SEC14L1: variants seen among roughly 807,000 people sequenced by gnomAD.
SEC14L1 encodes the protein SEC14-like protein 1.
SEC14L1 carries 48 observed loss-of-function variants against 85.3 expected under a neutral mutation model. The ratio of observed to expected loss-of-function variants is 0.56; its 90% confidence interval spans 0.45 to 0.72. The LOEUF is 0.72. SEC14L1 is among the 30% of genes least tolerant of loss of function. The pLI is 0.00. For missense variants in SEC14L1, 682 were observed against 921.4 expected (o/e 0.74, Z 3.36); for synonymous variants, 391 against 355.5 (o/e 1.10, Z -1.12).
intron 3 of SEC14L1, among the ~76,000 whole-genome samples, chr17:77,103,328 G>T (rs541366789): frequency 6.6e-6 from 1 of 152,008 alleles, no homozygotes; most frequent in East Asian, 1.9e-4. Flanking sequence ...GGCCAAGCTG[G>T]TCTAGAACTC....
At chr17:77,169,121 C>T (rs1392656570) in intron 3 of SEC14L1, among the ~76,000 whole-genome samples, 1 of 146,780 alleles carries the variant, frequency 6.8e-6, no homozygotes, top group Non-Finnish European at 1.5e-5. Context: ...TCCAGTTTCT[C>T]AGCAGAGTGC....
At chr17:77,152,264 G>T (rs574700785) in intron 3 of SEC14L1, among the ~76,000 whole-genome samples, 1 of 151,952 alleles carries the variant, frequency 6.6e-6, no homozygotes, top group African/African-American at 2.4e-5. Flanking sequence ...GGCTGGGCAC[G>T]GTGGCTCATG....
chr17:77,124,428 G>A lies in SEC14L1; in HGVS notation c.-135-18218G>A, dbSNP rs150583598. Among the ~76,000 whole-genome samples the A allele has an allele frequency of 2.3e-3, 356 of 152,280 alleles. 1 individual carries two copies. Among genetic ancestry groups the A allele is most frequent in the South Asian group, 0.012 (59 of 4,822 alleles). ...CTTCAGGATATTGTTCTCTGGGAAC[G>A]TCAGGAACCAAACAGGTCCCACAAG... On this transcript the variant is annotated intron_variant, in intron 3 of 19. Transcript: ENST00000392476.
Position 77,191,299 on chromosome 17 carries a change from A to G in SEC14L1, c.332A>G (p.His111Arg), listed in dbSNP as rs1237146918. ...TCCAATCGGGTCATCATTAATGAGC[A>G]TTGCTGCTACACCGTGAGTAATCTG... Reference protein sequence around the residue: ...TFSNRVIINEHCCYTVHPENE... With the variant: ...TFSNRVIINERCCYTVHPENE... Residue 111 changes from histidine to arginine, a missense_variant, in exon 5 of 17, where the codon CAT becomes CGT. His to Arg is a conservative substitution (Grantham distance 29, BLOSUM62 0). This residue lies in a region of SEC14L1 where 139 missense variants were observed against 201.3 expected (regional missense o/e 0.69). Coordinates refer to ENST00000436233, the MANE Select transcript of SEC14L1 (RefSeq NM_001143998.2). 1.9e-6 allele frequency: 3 copies of G among 1,614,150 alleles called. No homozygotes were observed. The highest frequency in any genetic ancestry group is 2.2e-5 in the South Asian group (2 of 91,088).
intron 8 of SEC14L1, among the ~76,000 whole-genome samples, chr17:77,196,967 C>T (rs1754381666): frequency 6.6e-6 from 1 of 152,214 alleles, no homozygotes; most frequent in Admixed American, 6.5e-5. Flanking sequence ...TCCGGCAGCT[C>T]TCTCTGCTGC....
rs1190046879 is a variant in SEC14L1, at chr17:77,214,417, C to A, written c.*394C>A. The A allele has an allele frequency of 1.1e-5, 11 of 1,003,544 alleles. No homozygotes were observed. The highest frequency in any genetic ancestry group is 1.7e-5 in the African/African-American group (1 of 57,742). The allele number at this position is 1,003,544 out of a possible 1,614,324, so 62.2% of individuals were successfully genotyped here. A position where few individuals can be genotyped will look rare whatever the true frequency, so the allele number is the denominator to read the frequency against. On this transcript the variant is annotated 3_prime_UTR_variant, in exon 17 of 17. Transcript: ENST00000436233. ...GTGACATCCTCCAGAGATGGCCCCT[C>A]CTCACCTGGGACGGAAGCTGCCAGC...
intron 10 of SEC14L1, among the ~76,000 whole-genome samples, 197 bp downstream of exon 10, chr17:77,203,855 G>A (rs901803126): frequency 4.6e-5 from 7 of 152,168 alleles, no homozygotes; most frequent in African/African-American, 7.2e-5. Flanking sequence ...CAGTGGAAGC[G>A]TCAGTGAGGC....
chr17:77,109,625 G>A (rs986991896), intron 3 of SEC14L1, among the ~76,000 whole-genome samples: 3 of 152,096 alleles, frequency 2.0e-5, no homozygotes, highest in Non-Finnish European at 4.4e-5. Flanking sequence ...CCAAAACAAG[G>A]GCCTCCTATG....
chr17:77,153,934 A>G (rs1452403894), intron 3 of SEC14L1, among the ~76,000 whole-genome samples: 1 of 152,174 alleles, frequency 6.6e-6, no homozygotes, highest in African/African-American at 2.4e-5. Flanking sequence ...GCATGTTGTA[A>G]CAAGAAGCAT....
intron 3 of SEC14L1, among the ~76,000 whole-genome samples, chr17:77,166,333 T>G (rs1300489578): frequency 6.6e-5 from 10 of 152,200 alleles, no homozygotes; most frequent in Non-Finnish European, 1.5e-4. Context: ...ATGAAGAAAT[T>G]GAAGCTTAAT....
rs537552295 is a variant in SEC14L1, at chr17:77,114,248, G to C, written c.-136+20901G>C. 4.6e-5 allele frequency among the ~76,000 whole-genome samples: 7 copies of C among 152,346 alleles called. No individual in the cohort carries two copies. In the South Asian group the frequency reaches 1.4e-3, roughly 32 times the overall value. ...TGATTCAAAAGGCAGGCACTGGCTG[G>C]GCAAGGTGGCTCACGCCTGTAATCC... On this transcript the variant is annotated intron_variant, in intron 3 of 19. Coordinates refer to the SEC14L1 transcript ENST00000392476.
chr17:77,193,420 G>C lies in SEC14L1; in HGVS notation c.346-1G>C. ...TGAGAGTGCTTTCTCTTTATCTGCA[G>C]GTTCACCCTGAAAATGAAGATTGGA... On this transcript the variant is annotated splice_acceptor_variant, in intron 5 of 16. Coordinates refer to ENST00000436233, the MANE Select transcript of SEC14L1 (RefSeq NM_001143998.2). LOFTEE classifies it high-confidence loss of function. The C allele has an allele frequency of 6.3e-7, 1 of 1,597,726 alleles. No homozygotes were observed.
chr17:77,187,527 G>A lies in SEC14L1; in HGVS notation c.64-3276G>A, dbSNP rs961180179. Among the ~76,000 whole-genome samples, 3 of 152,046 alleles carry A rather than the reference G, an allele frequency of 2.0e-5. No individual in the cohort carries two copies. In the East Asian group the frequency reaches 5.8e-4, roughly 29 times the overall value. Reference sequence around the variant, plus strand: ...CAAGTAGCTGGGATTACAGGTGTATGCCACCGTGCCCAGCTAATTTTTGTA... The same window carrying A: ...CAAGTAGCTGGGATTACAGGTGTATACCACCGTGCCCAGCTAATTTTTGTA... On this transcript the variant is annotated intron_variant, in intron 3 of 16. Transcript: ENST00000436233.
chr17:77,179,046 C>T (rs1355128858), intron 3 of SEC14L1, among the ~76,000 whole-genome samples: 1 of 152,180 alleles, frequency 6.6e-6, no homozygotes, highest in African/African-American at 2.4e-5. Context: ...GTTTCTTTCT[C>T]CTGTCCTCTA....
rs1371393880 is a variant in SEC14L1 at position 77,213,992 on chromosome 17, A to G, written c.2117A>G (p.Gln706Arg). The G allele has an allele frequency of 3.1e-6, 5 of 1,613,252 alleles. No homozygotes were observed. The highest frequency in any genetic ancestry group is 3.3e-5 in the Admixed American group (2 of 59,988). ...QLSAATTSSS[Q>R]SHSSSMISR The stretch of plus-strand genomic sequence containing the variant: ...AGTGCCGCCACCACCTCCTCCAGCC[A>G]GTCCCACTCCAGCTCCATGATCTCC... Residue 706 changes from glutamine to arginine, a missense_variant, in exon 17 of 17, where the codon CAG becomes CGG. Physicochemically the swap from Gln to Arg is conservative, Grantham distance 43. Around this residue, in one of 3 missense-constraint regions of SEC14L1, gnomAD observed 420 missense variants for 619.5 expected, o/e 0.68. Coordinates refer to ENST00000436233, the MANE Select transcript of SEC14L1 (RefSeq NM_001143998.2). The surrounding 1 kb of genome is among the most constrained non-coding windows in gnomAD (Gnocchi z 7.1).
intron 3 of SEC14L1, among the ~76,000 whole-genome samples, chr17:77,154,711 G>A (rs1315208854): frequency 6.6e-6 from 1 of 150,872 alleles, no homozygotes; most frequent in Non-Finnish European, 1.5e-5. Context: ...ATTGCTATGT[G>A]TATCTTTATA....
At chr17:77,140,826 C>G (rs921905459), upstream of SEC14L1, 3 of 152,132 alleles carry the variant, frequency 2.0e-5, no homozygotes, top group Non-Finnish European at 4.4e-5. Context: ...GTCCTCCCCC[C>G]TCCCCTTTCT....
At chr17:77,203,244 G>C (rs1456566222) in intron 9 of SEC14L1, among the ~76,000 whole-genome samples, 5 of 152,192 alleles carry the variant, frequency 3.3e-5, no homozygotes, top group Admixed American at 3.3e-4. Flanking sequence ...ATGGGCAGTT[G>C]TTCAGACTGA....
intron 3 of SEC14L1, among the ~76,000 whole-genome samples, chr17:77,156,357 T>G (rs1973816964): frequency 6.6e-6 from 1 of 152,090 alleles, no homozygotes; most frequent in Non-Finnish European, 1.5e-5. Context: ...GGCGGATCAC[T>G]TGAGGTCAGG....
Sources: gnomAD v4.1 joint callset for allele counts (sites outside exome capture counted in the v4.1 genomes callset) on GRCh38, gnomAD v4.1.1 for gene constraint, gnomAD v4.1.1 regional missense constraint, Gnocchi (gnomAD v3.1) non-coding constraint, MANE v1.5 for transcripts, NCBI Gene and HGNC (gene_info 2026-07-23, HGNC 2026-07-21) for gene names.